SERPINB12: variants seen among roughly 807,000 people sequenced by gnomAD.
The protein encoded by SERPINB12 is serpin B12.
In SERPINB12, 57 loss-of-function variants were observed where a neutral mutation model predicts 41.1. The observed-to-expected ratio is 1.39, with a 90% CI of 1.12 to 1.73. SERPINB12 has a LOEUF of 1.73. Among genes scored for constraint, SERPINB12 ranks in the 40% most tolerant of loss-of-function variants. SERPINB12 has a pLI of 0.00. For synonymous variants in SERPINB12, 180 were observed against 181.3 expected, an observed-to-expected ratio of 0.99 and a Z score of 0.06; for missense variants, 536 against 501.9, an observed-to-expected ratio of 1.07 and a Z score of -0.65.
At chr18:63,565,737 G>A (rs1054870157) in intron 7 of SERPINB12, 125 bp downstream of exon 7, 9 of 715,140 alleles carry the variant, frequency 1.3e-5, no homozygotes, top group Non-Finnish European at 1.9e-5. Context: ...CAAGGAATGT[G>A]TAAGAATCTG....
rs1376251616 is a variant in SERPINB12 at position 63,567,907 on chromosome 18, C to T, written c.*896C>T. Among the ~76,000 whole-genome samples, 1 of 150,452 alleles carries T rather than the reference C, an allele frequency of 6.6e-6. No homozygotes were observed. The highest frequency in any genetic ancestry group is 1.5e-5 in the Non-Finnish European group (1 of 67,456). ...CTCCGTATGCCCCTCTCTCTGCCTTCTGGCCACGTGGAGGCTGGCCTCTGT... is the reference window on the plus strand; with the variant it reads ...CTCCGTATGCCCCTCTCTCTGCCTTTTGGCCACGTGGAGGCTGGCCTCTGT... On this transcript the variant is annotated 3_prime_UTR_variant, in exon 8 of 8. Coordinates refer to ENST00000382768, the MANE Select transcript of SERPINB12 (RefSeq NM_001307928.2).
intron 4 of SERPINB12, 136 bp from the exon 5 acceptor site, chr18:63,560,949 T>C (rs1429717217): frequency 3.0e-6 from 2 of 667,112 alleles, no homozygotes; most frequent in Admixed American, 5.0e-5. Flanking sequence ...GGCTAGAAAC[T>C]GTCAGGCCTG....
the SERPINB12 span, among the ~76,000 whole-genome samples, chr18:63,529,074 G>A: frequency 1.3e-5 from 2 of 152,116 alleles, no homozygotes; most frequent in African/African-American, 2.4e-5. Context: ...CCTGCTTCTG[G>A]ACACTATGAT....
the SERPINB12 span, among the ~76,000 whole-genome samples, chr18:63,523,300 G>A: frequency 6.6e-6 from 1 of 152,290 alleles, no homozygotes; most frequent in Non-Finnish European, 1.5e-5. Flanking sequence ...TAACCCTTTC[G>A]AAGTTCATTT....
chr18:63,529,364 T>C, the SERPINB12 span, among the ~76,000 whole-genome samples: 2 of 152,196 alleles, frequency 1.3e-5, no homozygotes, highest in South Asian at 4.2e-4. Context: ...TCTAAGGTTT[T>C]GATGGCCTGT....
chr18:63,541,946 A>G (rs747242142), upstream of SERPINB12, among the ~76,000 whole-genome samples: 4 of 152,228 alleles, frequency 2.6e-5, no homozygotes, highest in Non-Finnish European at 5.9e-5. Context: ...CTAGCTTCAC[A>G]CTTGACTGAG....
intron 5 of SERPINB12, among the ~76,000 whole-genome samples, chr18:63,562,722 T>A (rs1910954282): frequency 6.6e-6 from 1 of 152,180 alleles, no homozygotes; most frequent in African/African-American, 2.4e-5. Context: ...TTAATGAAGC[T>A]CATATTAAGG....
At chr18:63,555,139 G>C (rs951873415) in intron 1 of SERPINB12, among the ~76,000 whole-genome samples, 1 of 152,112 alleles carries the variant, frequency 6.6e-6, no homozygotes, top group Non-Finnish European at 1.5e-5. Flanking sequence ...AAATGGACTA[G>C]TACACCTGGT....
chr18:63,558,156 G>A (rs1200585842), intron 2 of SERPINB12, among the ~76,000 whole-genome samples, 196 bp from the exon 3 acceptor site: 2 of 152,120 alleles, frequency 1.3e-5, no homozygotes, highest in African/African-American at 4.8e-5. Flanking sequence ...TGCTCTCCCA[G>A]GGTAGCGGTT....
chr18:63,532,712 C>T, the SERPINB12 span, among the ~76,000 whole-genome samples: 1 of 152,124 alleles, frequency 6.6e-6, no homozygotes, highest in Non-Finnish European at 1.5e-5. Flanking sequence ...TAGGAGTTTG[C>T]TGAGGGGTTG....
intron 1 of SERPINB12, among the ~76,000 whole-genome samples, chr18:63,549,215 G>T (rs766446737): frequency 4.6e-5 from 7 of 152,056 alleles, no homozygotes; most frequent in Non-Finnish European, 8.8e-5. Flanking sequence ...TGAGAGATTG[G>T]AAAGCACACG....
chr18:63,557,065 C>G (rs934014330), intron 2 of SERPINB12, among the ~76,000 whole-genome samples: 1 of 152,202 alleles, frequency 6.6e-6, no homozygotes, highest in Non-Finnish European at 1.5e-5. Context: ...TTACAATGGC[C>G]CACAAGGATC....
At chr18:63,563,918 T>A in intron 5 of SERPINB12, 60 bp from the exon 6 acceptor site, 4 of 1,361,118 alleles carry the variant, frequency 2.9e-6, no homozygotes, top group East Asian at 2.5e-5. Context: ...AAAAAAATTA[T>A]CTACACAAAT....
chr18:63,559,519 G>A (rs1180023964), intron 3 of SERPINB12, 59 bp from the exon 4 acceptor site: 19 of 1,544,194 alleles, frequency 1.2e-5, no homozygotes, highest in South Asian at 5.8e-5. Flanking sequence ...ATCTTTTAGC[G>A]GTGTTTAGCT....
At chr18:63,523,135 GA>G in the SERPINB12 span, among the ~76,000 whole-genome samples, 2 of 152,098 alleles carry the variant, frequency 1.3e-5, no homozygotes, top group African/African-American at 2.4e-5. Context: ...TGATTGTGGG[GA>G]AGCCTGCCAA....
Position 63,568,764 on chromosome 18 carries a change from C to T in SERPINB12, c.*1753C>T, listed in dbSNP as rs148809013. ...AGAAGGCAGGTGAACCACACCTGCT[C>T]CCATGCTAGCCTCCTCTTCCTTTTC... On this transcript the variant is annotated 3_prime_UTR_variant, in exon 8 of 8. Coordinates refer to ENST00000382768, the MANE Select transcript of SERPINB12 (RefSeq NM_001307928.2). Among the ~76,000 whole-genome samples the T allele has an allele frequency of 7.9e-5, 12 of 152,210 alleles. No individual in the cohort carries two copies. Among genetic ancestry groups the T allele is most frequent in the Non-Finnish European group, 2.9e-5 (2 of 68,036 alleles).
At chr18:63,524,707 T>C in the SERPINB12 span, among the ~76,000 whole-genome samples, 2 of 152,038 alleles carry the variant, frequency 1.3e-5, no homozygotes, top group Non-Finnish European at 2.9e-5. Flanking sequence ...TTACCAGTCA[T>C]TTTATTTTAG....
chr18:63,539,713 A>G (rs1262525832), upstream of SERPINB12, among the ~76,000 whole-genome samples: 1 of 152,140 alleles, frequency 6.6e-6, no homozygotes, highest in Admixed American at 6.6e-5. Context: ...ATATTCCCCA[A>G]GCACACTGGG....
At chr18:63,523,729 C>T in the SERPINB12 span, among the ~76,000 whole-genome samples, 27 of 152,250 alleles carry the variant, frequency 1.8e-4, no homozygotes, top group South Asian at 5.4e-3. Flanking sequence ...AACATTTCAG[C>T]ATCAGGTCAC....
Sources: allele counts gnomAD v4.1 joint callset (sites outside exome capture counted in the v4.1 genomes callset), GRCh38; gene constraint gnomAD v4.1.1; transcripts MANE v1.5; gene names NCBI Gene and HGNC (gene_info 2026-07-23, HGNC 2026-07-21).